Variants in SUMF1 observed in about 807,000 individuals in gnomAD.
SUMF1 encodes the protein sulfatase modifying factor 1.
In SUMF1, 48 loss-of-function variants were observed where a neutral mutation model predicts 47.6. That is an observed-to-expected ratio of 1.01 (90% CI 0.80 to 1.28). The LOEUF is 1.28. SUMF1 is among the 50% of genes most tolerant of loss of function. SUMF1 has a pLI of 0.00. For missense variants in SUMF1, 571 were observed against 485.4 expected, an observed-to-expected ratio of 1.18 and a Z score of -1.66; for synonymous variants, 230 against 192.1, an observed-to-expected ratio of 1.20 and a Z score of -1.63.
rs376231468 is a variant in SUMF1 at position 4,253,753 on chromosome 3, A to G, written c.1014+122577T>C. Among the ~76,000 whole-genome samples the G allele has an allele frequency of 5.1e-3, 736 of 145,132 alleles. 2 individuals carry two copies. The highest frequency in any genetic ancestry group is 0.011 in the Middle Eastern group (3 of 284). ...AGCCAGGAAGCTCGAATTGGGTGGA[A>G]CCCACCACAGCTCAAGGAGGCCTGC... On this transcript the variant is annotated intron_variant and NMD_transcript_variant, in intron 8 of 12. Transcript: ENST00000448413.
intron 8 of SUMF1, among the ~76,000 whole-genome samples, chr3:4,111,419 C>A (rs1693303585): frequency 6.6e-6 from 1 of 151,906 alleles, no homozygotes; most frequent in Non-Finnish European, 1.5e-5. Flanking sequence ...AGAATTATCT[C>A]ATAAAACCTT....
At chr3:4,420,598 C>A (rs183069148) in intron 3 of SUMF1, among the ~76,000 whole-genome samples, 1 of 151,876 alleles carries the variant, frequency 6.6e-6, no homozygotes, top group Non-Finnish European at 1.5e-5. Flanking sequence ...GGGTTTCACT[C>A]TGTTAGCCAG....
chr3:4,091,947 G>A (rs1361618518), intron 8 of SUMF1, among the ~76,000 whole-genome samples: 1 of 151,352 alleles, frequency 6.6e-6, no homozygotes, highest in Non-Finnish European at 1.5e-5. Context: ...CCCCTCAAAG[G>A]ACAGCTGCAA....
chr3:4,348,640 T>G (rs9864882), intron 8 of SUMF1, among the ~76,000 whole-genome samples: 30,827 of 151,520 alleles, frequency 0.2, 3,415 homozygotes, highest in African/African-American at 0.3. Flanking sequence ...TGAGGCGGGT[T>G]GACCACCTGA....
At chr3:4,363,817 T>C (rs1699855137) in intron 8 of SUMF1, among the ~76,000 whole-genome samples, 2 of 132,060 alleles carry the variant, frequency 1.5e-5, no homozygotes, top group Non-Finnish European at 3.2e-5. Context: ...TCAAAGGGAA[T>C]GCTTCCAGTT....
chr3:4,181,806 T>C (rs865822499), intron 8 of SUMF1, among the ~76,000 whole-genome samples: 9 of 152,062 alleles, frequency 5.9e-5, no homozygotes, highest in South Asian at 4.1e-4. Flanking sequence ...CTGTGCAGGC[T>C]GACGTATGTA....
chr3:4,290,744 TG>T (rs1425107304), intron 8 of SUMF1, among the ~76,000 whole-genome samples: 1 of 152,206 alleles, frequency 6.6e-6, no homozygotes, highest in Non-Finnish European at 1.5e-5. Flanking sequence ...TTATCTCCCC[TG>T]CTAGACTGTA....
At chr3:4,286,532 A>G (rs1212521185) in intron 8 of SUMF1, among the ~76,000 whole-genome samples, 2 of 152,190 alleles carry the variant, frequency 1.3e-5, no homozygotes, top group Non-Finnish European at 2.9e-5. Flanking sequence ...CAAAATGATG[A>G]GTAAAATGGT....
chr3:4,378,835 C>T (rs1257902580), intron 7 of SUMF1, among the ~76,000 whole-genome samples: 1 of 152,206 alleles, frequency 6.6e-6, no homozygotes, highest in East Asian at 1.9e-4. Context: ...AAGTCTCTCC[C>T]AGTATCTGCT....
intron 8 of SUMF1, among the ~76,000 whole-genome samples, chr3:4,352,786 T>C (rs1277680053): frequency 2.0e-5 from 3 of 150,810 alleles, no homozygotes; most frequent in Non-Finnish European, 2.9e-5. Context: ...GCCATCTGTC[T>C]GTGAAGGGGC....
intron 8 of SUMF1, among the ~76,000 whole-genome samples, chr3:4,315,378 C>T (rs1174406700): frequency 6.6e-6 from 1 of 152,160 alleles, no homozygotes; most frequent in East Asian, 1.9e-4. Context: ...TGTCCTTTTG[C>T]CTTTCTATAT....
intron 8 of SUMF1, among the ~76,000 whole-genome samples, chr3:4,322,909 T>C (rs973820986): frequency 6.6e-6 from 1 of 152,102 alleles, no homozygotes; most frequent in Non-Finnish European, 1.5e-5. Context: ...CACAGCAAGA[T>C]GCTGTCTTAA....
intron 8 of SUMF1, among the ~76,000 whole-genome samples, chr3:4,220,167 A>G (rs1402851223): frequency 6.6e-6 from 1 of 152,156 alleles, no homozygotes; most frequent in Non-Finnish European, 1.5e-5. Context: ...AGACATTAGT[A>G]AGAGGCCAAG....
At position 4,228,209 on chromosome 3, in the gene SUMF1, T is replaced by C. The variant is rs1008090309; in HGVS notation, c.1014+148121A>G. On this transcript the variant is annotated intron_variant and NMD_transcript_variant, in intron 8 of 12. Transcript: ENST00000448413. Reference sequence around the variant, plus strand: ...AACTATGAATCTTCAGTTTATCTTATGATTTCAGTGAAAATAACTTTATTT... The same window carrying C: ...AACTATGAATCTTCAGTTTATCTTACGATTTCAGTGAAAATAACTTTATTT... 2.6e-4 allele frequency among the ~76,000 whole-genome samples: 39 copies of C among 152,250 alleles called. 1 individual carries two copies. The highest frequency in any genetic ancestry group is 9.4e-4 in the African/African-American group (39 of 41,580).
intron 8 of SUMF1, among the ~76,000 whole-genome samples, chr3:4,305,129 C>G (rs1278490200): frequency 1.3e-5 from 2 of 152,088 alleles, no homozygotes; most frequent in Non-Finnish European, 2.9e-5. Flanking sequence ...ACTCCATCAC[C>G]CAGGCTAGAG....
intron 8 of SUMF1, chr3:4,313,991 T>C (rs1302954583): frequency 1.3e-6 from 1 of 751,826 alleles, no homozygotes; most frequent in Middle Eastern, 3.9e-4. Flanking sequence ...GTGACTGTTC[T>C]AGTTAATAGG....
intron 8 of SUMF1, among the ~76,000 whole-genome samples, chr3:4,073,450 G>C (rs907143889): frequency 6.6e-6 from 1 of 152,088 alleles, no homozygotes; most frequent in Non-Finnish European, 1.5e-5. Flanking sequence ...TAACCAGCTA[G>C]CATCATAATG....
chr3:4,038,129 G>C (rs1461619421), intron 9 of SUMF1, among the ~76,000 whole-genome samples: 1 of 152,134 alleles, frequency 6.6e-6, no homozygotes, highest in Non-Finnish European at 1.5e-5. Context: ...GTGATCTTCA[G>C]GTTTATATTT....
intron 8 of SUMF1, among the ~76,000 whole-genome samples, chr3:4,211,240 G>C (rs1209925965): frequency 4.6e-5 from 4 of 87,698 alleles, no homozygotes; most frequent in Non-Finnish European, 1.0e-4. Flanking sequence ...TATTAGTTCT[G>C]TTTCTCTAGA....
Sources: gnomAD v4.1 joint callset for allele counts (sites outside exome capture counted in the v4.1 genomes callset) on GRCh38, gnomAD v4.1.1 for gene constraint, MANE v1.5 for transcripts, NCBI Gene and HGNC (gene_info 2026-07-23, HGNC 2026-07-21) for gene names.